The following TNFAIP8 variants were observed in gnomAD, a reference collection of about 807,000 sequenced individuals.
TNFAIP8 encodes TNF alpha induced protein 8, also known as tumor necrosis factor alpha-induced protein 8.
In TNFAIP8, 7 loss-of-function variants were observed where a neutral mutation model predicts 13.3. The observed-to-expected ratio is 0.52, with a 90% CI of 0.30 to 0.99. The LOEUF is 0.99. Among genes scored for constraint, TNFAIP8 ranks in the 50% least tolerant of loss-of-function variants. The pLI, the probability that TNFAIP8 is intolerant of heterozygous loss-of-function variation, is 0.07. For missense variants in TNFAIP8, 258 were observed against 236.9 expected (o/e 1.09, Z -0.58); for synonymous variants, 94 against 87.6 (o/e 1.07, Z -0.41).
intron 1 of TNFAIP8, among the ~76,000 whole-genome samples, chr5:119,384,018 G>A (rs1752580956): frequency 6.6e-6 from 1 of 152,114 alleles, no homozygotes; most frequent in African/African-American, 2.4e-5. Context: ...CTTTTCTTAA[G>A]CTCATGTATT....
intron 1 of TNFAIP8, among the ~76,000 whole-genome samples, chr5:119,376,006 CT>C (rs1403039631): frequency 4.6e-5 from 7 of 152,090 alleles, no homozygotes; most frequent in Admixed American, 3.9e-4. Context: ...TATCAGATGA[CT>C]TTTTGGATGC....
At chr5:119,374,326 T>C (rs1752198888) in intron 1 of TNFAIP8, among the ~76,000 whole-genome samples, 1 of 152,232 alleles carries the variant, frequency 6.6e-6, no homozygotes, top group Non-Finnish European at 1.5e-5. Flanking sequence ...TCAAAAACTT[T>C]CCAATTTTGG....
At chr5:119,302,135 A>G (rs1305157704) in intron 1 of TNFAIP8, among the ~76,000 whole-genome samples, 3 of 152,226 alleles carry the variant, frequency 2.0e-5, no homozygotes, top group Admixed American at 2.0e-4. Context: ...ACCATTATTT[A>G]GTTGTCCTAG....
At chr5:119,379,994 G>T (rs189048666) in intron 1 of TNFAIP8, among the ~76,000 whole-genome samples, 135 of 152,284 alleles carry the variant, frequency 8.9e-4, no homozygotes, top group Admixed American at 1.6e-3. Flanking sequence ...ATGGCATTTG[G>T]TAGGCAATTT....
chr5:119,315,492 T>C (rs1396213652), intron 1 of TNFAIP8, among the ~76,000 whole-genome samples: 1 of 152,162 alleles, frequency 6.6e-6, no homozygotes, highest in Non-Finnish European at 1.5e-5. Flanking sequence ...CAACAGACAA[T>C]GTGTGTTGGC....
intron 1 of TNFAIP8, among the ~76,000 whole-genome samples, chr5:119,358,460 C>G (rs1751519240): frequency 6.6e-6 from 1 of 152,146 alleles, no homozygotes; most frequent in South Asian, 2.1e-4. Context: ...TTAATTTTTC[C>G]TGCTTAACAA....
chr5:119,355,331 C>G, upstream of TNFAIP8: 1 of 702,262 alleles, frequency 1.4e-6, no homozygotes, highest in Non-Finnish European at 2.6e-6. Context: ...CTTGGAGTAC[C>G]AGTGCTCGCC....
rs1238319127 is a variant in TNFAIP8, at chr5:119,393,099, A to C, written c.315A>C (p.Lys105Asn). The C allele has an allele frequency of 1.1e-5, 17 of 1,613,874 alleles. No individual in the cohort carries two copies. The highest frequency in any genetic ancestry group is 1.4e-5 in the Non-Finnish European group (16 of 1,179,900). The part of the protein sequence containing the change: ...ELALMEKFKK[K>N]VHQLAMTVVS... Reference sequence around the variant, plus strand: ...CATTGATGGAGAAATTTAAGAAGAAAGTTCATCAGCTTGCTATGACCGTGG... The same window carrying C: ...CATTGATGGAGAAATTTAAGAAGAACGTTCATCAGCTTGCTATGACCGTGG... The change falls in exon 2 of 2, where the codon AAA becomes AAC. Residue 105 changes from lysine (K) to asparagine (N), a missense_variant. Lys to Asn is a moderately conservative substitution (Grantham distance 94, BLOSUM62 0). Coordinates refer to ENST00000504771, the MANE Select transcript of TNFAIP8 (RefSeq NM_014350.4).
At chr5:119,371,903 C>G (rs780933549) in intron 1 of TNFAIP8, among the ~76,000 whole-genome samples, 2 of 151,256 alleles carry the variant, frequency 1.3e-5, no homozygotes, top group African/African-American at 2.4e-5. Flanking sequence ...TTTGGGAGGC[C>G]GAAGCGGGCA....
At chr5:119,370,639 G>A (rs1036710929) in intron 1 of TNFAIP8, among the ~76,000 whole-genome samples, 1 of 152,234 alleles carries the variant, frequency 6.6e-6, no homozygotes, top group Non-Finnish European at 1.5e-5. Flanking sequence ...CTTGGGCCCA[G>A]AGACAAAGGA....
At chr5:119,367,739 A>G (rs1452715360) in intron 1 of TNFAIP8, among the ~76,000 whole-genome samples, 1 of 152,232 alleles carries the variant, frequency 6.6e-6, no homozygotes, top group African/African-American at 2.4e-5. Flanking sequence ...TTCCAGGCTT[A>G]AAAATAAAGC....
chr5:119,363,343 G>A (rs990748547), intron 1 of TNFAIP8, among the ~76,000 whole-genome samples: 1 of 152,290 alleles, frequency 6.6e-6, no homozygotes, highest in Middle Eastern at 3.4e-3. Flanking sequence ...GTGATCAAGG[G>A]CATGAAAGAA....
chr5:119,336,959 C>T (rs573807842), intron 1 of TNFAIP8, among the ~76,000 whole-genome samples: 1 of 152,302 alleles, frequency 6.6e-6, no homozygotes, highest in East Asian at 1.9e-4. Flanking sequence ...CTTCTATCTC[C>T]TTTAGATCTT....
In TNFAIP8 at chr5:119,399,378, A is replaced by C. The variant is rs1487124023; in HGVS notation, c.*5997A>C. 6.6e-6 allele frequency: 1 copy of C among 152,224 alleles called. No individual in the cohort carries two copies. The highest frequency in any genetic ancestry group is 1.5e-5 in the Non-Finnish European group (1 of 68,044). 9.4% of individuals were successfully genotyped at this position (152,224 alleles called of 1,614,324 possible). ...CAATTACCTCATATTCTAATTTTAA[A>C]GATACAATTTTTAAAGACATGGAAG... On this transcript the variant is annotated 3_prime_UTR_variant, in exon 2 of 2. Transcript: ENST00000504771.
chr5:119,356,430 G>A (rs929320172), intron 1 of TNFAIP8, among the ~76,000 whole-genome samples: 1 of 152,196 alleles, frequency 6.6e-6, no homozygotes, highest in Non-Finnish European at 1.5e-5. Context: ...AATGCAAAAT[G>A]TGCTTGGAAA....
At chr5:119,338,024 T>C (rs1457353387) in intron 1 of TNFAIP8, among the ~76,000 whole-genome samples, 2 of 152,190 alleles carry the variant, frequency 1.3e-5, no homozygotes, top group African/African-American at 4.8e-5. Flanking sequence ...CCTCTCCTGC[T>C]AACTGCTGAA....
chr5:119,302,972 A>G (rs537028539), intron 1 of TNFAIP8, among the ~76,000 whole-genome samples: 2 of 152,246 alleles, frequency 1.3e-5, no homozygotes, highest in Admixed American at 6.5e-5. Context: ...GCCGTCATTC[A>G]TTTGATTTTA....
intron 1 of TNFAIP8, among the ~76,000 whole-genome samples, chr5:119,274,783 G>A (rs1175039813): frequency 2.0e-5 from 3 of 152,164 alleles, no homozygotes; most frequent in Non-Finnish European, 4.4e-5. Flanking sequence ...CATTATCTGG[G>A]CAGCTACAAA....
Position 119,291,760 on chromosome 5 carries a change from C to T in TNFAIP8, c.1+22853C>T, listed in dbSNP as rs540806081. On this transcript the variant is annotated intron_variant, in intron 1 of 1. Transcript: ENST00000274456. ...TCATTGTCCTTGTATTTTCGTTGCC[C>T]GGGTAAGTATTTCACTCAAGAGATA... Among the ~76,000 whole-genome samples, 8 of 152,234 alleles carry T rather than the reference C, an allele frequency of 5.3e-5. No homozygotes were observed. The South Asian group carries it at 1.2e-3, about 24-fold the overall frequency.
Sources: gnomAD v4.1 joint callset for allele counts (sites outside exome capture counted in the v4.1 genomes callset) on GRCh38, gnomAD v4.1.1 for gene constraint, MANE v1.5 for transcripts, NCBI Gene and HGNC (gene_info 2026-07-23, HGNC 2026-07-21) for gene names.